Variants in SAMMSON observed in about 807,000 individuals in gnomAD.
SAMMSON encodes survival associated mitochondrial melanoma specific oncogenic non-coding RNA.
At chr3:70,274,160 T>A (rs1702000451) in intron 6 of SAMMSON, among the ~76,000 whole-genome samples, 1 of 151,672 alleles carries the variant, frequency 6.6e-6, no homozygotes, top group Non-Finnish European at 1.5e-5. Flanking sequence ...GAAATTATAC[T>A]CTCATACATA....
intron 7 of SAMMSON, among the ~76,000 whole-genome samples, chr3:70,336,858 G>GTGTGTGTGTGT (rs1491478364): frequency 4.4e-5 from 6 of 135,760 alleles, no homozygotes; most frequent in Non-Finnish European, 8.1e-5. Flanking sequence ...GTGTGTGTGT[G>GTGTGTGTGTGT]GAGAGAGAGA....
intron 4 of SAMMSON, among the ~76,000 whole-genome samples, chr3:70,155,211 C>T (rs2067587439): frequency 6.6e-6 from 1 of 151,854 alleles, no homozygotes; most frequent in Admixed American, 6.6e-5. Context: ...TTTCAAGGGT[C>T]CCTAGGGGCC....
chr3:70,118,746 G>A (rs2067421542), intron 4 of SAMMSON, among the ~76,000 whole-genome samples: 2 of 152,118 alleles, frequency 1.3e-5, no homozygotes, highest in African/African-American at 4.8e-5. Flanking sequence ...ATATGTCTCA[G>A]TTAAACAACC....
rs146528959 is a variant in SAMMSON, at chr3:70,222,336, C to T, written n.508-26771C>T. ...CTGTGTTACCATGAAGATAAAACTA[C>T]TCATTTTAGCTCATTGCTAAGAGCT... On this transcript the variant is annotated intron_variant and non_coding_transcript_variant, in intron 4 of 9. Coordinates refer to ENST00000642114, the Ensembl canonical transcript of SAMMSON. Among the ~76,000 whole-genome samples, 1,054 of 152,304 alleles carry T rather than the reference C, an allele frequency of 6.9e-3. 9 individuals carry two copies. Among genetic ancestry groups the T allele is most frequent in the Admixed American group, 0.011 (172 of 15,288 alleles).
At chr3:70,341,759 C>CT (rs1702712824) in intron 7 of SAMMSON, among the ~76,000 whole-genome samples, 1 of 152,088 alleles carries the variant, frequency 6.6e-6, no homozygotes, top group Non-Finnish European at 1.5e-5. Flanking sequence ...GCAGAAAGAA[C>CT]TTTGTCCTTA....
intron 7 of SAMMSON, among the ~76,000 whole-genome samples, chr3:70,325,559 T>A (rs1702572302): frequency 6.6e-6 from 1 of 152,182 alleles, no homozygotes; most frequent in African/African-American, 2.4e-5. Flanking sequence ...AACAGTAATG[T>A]AGTCCCTTAT....
chr3:70,259,762 A>G (rs1428966180), intron 6 of SAMMSON, among the ~76,000 whole-genome samples: 1 of 152,180 alleles, frequency 6.6e-6, no homozygotes, highest in Non-Finnish European at 1.5e-5. Flanking sequence ...CTGTTTTCAT[A>G]CCGGTATAAA....
chr3:70,319,190 A>T (rs982655589), intron 7 of SAMMSON, among the ~76,000 whole-genome samples: 1 of 152,054 alleles, frequency 6.6e-6, no homozygotes, highest in Non-Finnish European at 1.5e-5. Context: ...AATTCCAGCC[A>T]CTTCAACAAC....
At chr3:70,156,534 A>G (rs2067592966) in intron 4 of SAMMSON, among the ~76,000 whole-genome samples, 1 of 152,088 alleles carries the variant, frequency 6.6e-6, no homozygotes, top group Admixed American at 6.6e-5. Flanking sequence ...AGAATAAATG[A>G]GAAAAGTGAA....
chr3:70,319,371 C>G (rs1289844512), intron 7 of SAMMSON, among the ~76,000 whole-genome samples: 1 of 152,056 alleles, frequency 6.6e-6, no homozygotes, highest in Non-Finnish European at 1.5e-5. Context: ...TGCCTGTAGT[C>G]TTAGGCTTGA....
rs1236563048 is a variant in SAMMSON, at chr3:70,367,910, G to T, written n.913+9586G>T. On this transcript the variant is annotated intron_variant and non_coding_transcript_variant, in intron 9 of 9. Transcript: ENST00000642114. ...CTGTCTTTTGTTTGTTTTTGTTTTT[G>T]TTTTTCTTCTTTTGTCTATTTGGTA... Among the ~76,000 whole-genome samples, 3 of 148,154 alleles carry T rather than the reference G, an allele frequency of 2.0e-5. No homozygotes were observed. The East Asian group carries it at 5.9e-4, about 29-fold the overall frequency.
intron 2 of SAMMSON, among the ~76,000 whole-genome samples, chr3:70,397,623 AGT>A (rs946570143): frequency 6.6e-6 from 1 of 152,096 alleles, no homozygotes; most frequent in Non-Finnish European, 1.5e-5. Flanking sequence ...TGTATATATA[AGT>A]GTGTGTGTGT....
chr3:70,054,602 G>T (rs1407815551), intron 3 of SAMMSON, among the ~76,000 whole-genome samples: 1 of 152,022 alleles, frequency 6.6e-6, no homozygotes, highest in East Asian at 1.9e-4. Flanking sequence ...TGGTCACCAT[G>T]TATAACATTA....
At chr3:70,020,467 G>T (rs548524213) in intron 3 of SAMMSON, among the ~76,000 whole-genome samples, 1 of 152,118 alleles carries the variant, frequency 6.6e-6, no homozygotes, top group African/African-American at 2.4e-5. Flanking sequence ...GGAGACTGTG[G>T]CATCTGTGGT....
chr3:70,004,450 G>A (rs1016672252), intron 1 of SAMMSON, among the ~76,000 whole-genome samples: 3 of 152,026 alleles, frequency 2.0e-5, no homozygotes, highest in African/African-American at 7.2e-5. Context: ...TATTCTGTAG[G>A]TGCAATAATG....
At chr3:70,180,943 C>G (rs903964946) in intron 4 of SAMMSON, among the ~76,000 whole-genome samples, 1 of 152,226 alleles carries the variant, frequency 6.6e-6, no homozygotes, top group African/African-American at 2.4e-5. Flanking sequence ...ACAGCAACAA[C>G]AAATGGGCTG....
intron 4 of SAMMSON, among the ~76,000 whole-genome samples, chr3:70,215,973 T>C (rs1345569289): frequency 6.6e-6 from 1 of 152,122 alleles, no homozygotes; most frequent in Non-Finnish European, 1.5e-5. Flanking sequence ...CTTGGTATTT[T>C]ATTTTGATTT....
At chr3:70,380,444 T>G (rs1703055782) in intron 9 of SAMMSON, among the ~76,000 whole-genome samples, 1 of 152,180 alleles carries the variant, frequency 6.6e-6, no homozygotes, top group Non-Finnish European at 1.5e-5. Flanking sequence ...TCTAGTTTTG[T>G]GCACTAAAAA....
rs149082293 is a variant in SAMMSON at position 70,144,471 on chromosome 3, T to G, written n.507+72906T>G. Among the ~76,000 whole-genome samples the G allele has an allele frequency of 3.4e-3, 512 of 152,278 alleles. 1 individual carries two copies. The highest frequency in any genetic ancestry group is 0.011 in the African/African-American group (477 of 41,572). ...TGCTGTCATCAGATTCCCAAGTCCA[T>G]TCATTAGAATTATGTATGCATGTAT... On this transcript the variant is annotated intron_variant and non_coding_transcript_variant, in intron 4 of 9. Coordinates refer to ENST00000642114, the Ensembl canonical transcript of SAMMSON.
Sources: allele counts gnomAD v4.1 joint callset (sites outside exome capture counted in the v4.1 genomes callset), GRCh38; gene constraint gnomAD v4.1.1; transcripts MANE v1.5; gene names NCBI Gene and HGNC (gene_info 2026-07-23, HGNC 2026-07-21).